The following CDH12 variants were observed in gnomAD, a reference collection of about 807,000 sequenced individuals.
The protein encoded by CDH12 is cadherin-12.
In CDH12, 41 loss-of-function variants were observed where a neutral mutation model predicts 74.1. The observed-to-expected ratio is 0.55, with a 90% CI of 0.43 to 0.72. The LOEUF (loss-of-function observed/expected upper bound fraction) is 0.72. CDH12 is among the 30% of genes least tolerant of loss of function. The pLI is 0.00. For missense variants in CDH12, 945 were observed against 977.2 expected (o/e 0.97, Z 0.44); for synonymous variants, 399 against 355.0 (o/e 1.12, Z -1.39).
intron 2 of CDH12, among the ~76,000 whole-genome samples, chr5:22,456,019 C>A (rs1233779182): frequency 6.6e-6 from 1 of 151,770 alleles, no homozygotes; most frequent in African/African-American, 2.4e-5. Context: ...ATACTCCCGA[C>A]ATGCTTAATT....
chr5:22,770,002 G>T lies in CDH12; in HGVS notation c.-523+83056C>A, dbSNP rs570146312. 2.0e-5 allele frequency among the ~76,000 whole-genome samples: 3 copies of T among 151,548 alleles called. No homozygotes were observed. In the South Asian group the frequency reaches 6.3e-4, roughly 32 times the overall value. On this transcript the variant is annotated intron_variant, in intron 1 of 14. Coordinates refer to ENST00000382254, the MANE Select transcript of CDH12 (RefSeq NM_004061.5). ...CAAACAATGCAAGTTTTTACAATAT[G>T]GTTCATATAAAATAAGCTGCACTTA...
chr5:22,639,432 CTTTT>C (rs10706075), intron 1 of CDH12, among the ~76,000 whole-genome samples: 4 of 115,598 alleles, frequency 3.5e-5, no homozygotes, highest in Non-Finnish European at 3.5e-5. Flanking sequence ...TTTTCTTCTT[CTTTT>C]TTTTTTTTTT....
At chr5:21,796,872 A>C (rs1399109970) in intron 10 of CDH12, among the ~76,000 whole-genome samples, 1 of 152,120 alleles carries the variant, frequency 6.6e-6, no homozygotes, top group African/African-American at 2.4e-5. Flanking sequence ...TGCTGTTATG[A>C]AAAGCCCCTA....
chr5:22,638,596 C>T (rs1179298195), intron 1 of CDH12: 3 of 152,496 alleles, frequency 2.0e-5, no homozygotes, highest in Non-Finnish European at 4.4e-5. Context: ...TGGCAACACC[C>T]TCACAGACAC....
chr5:22,024,944 C>T (rs1738252085), intron 5 of CDH12, among the ~76,000 whole-genome samples: 1 of 151,958 alleles, frequency 6.6e-6, no homozygotes. Context: ...TTATAGAAAC[C>T]CACCTAAAAA....
At chr5:22,119,186 T>C (rs1745348054) in intron 4 of CDH12, among the ~76,000 whole-genome samples, 1 of 152,172 alleles carries the variant, frequency 6.6e-6, no homozygotes, top group Non-Finnish European at 1.5e-5. Context: ...TCTCTCTTCT[T>C]ACTATAAAGT....
chr5:22,433,417 A>G (rs1371360654), intron 2 of CDH12, among the ~76,000 whole-genome samples: 2 of 152,150 alleles, frequency 1.3e-5, no homozygotes, highest in Non-Finnish European at 2.9e-5. Context: ...AAATCCAGTT[A>G]CCTGACACAA....
At chr5:22,084,260 T>C (rs1742926135) in intron 4 of CDH12, among the ~76,000 whole-genome samples, 2 of 152,148 alleles carry the variant, frequency 1.3e-5, no homozygotes, top group Non-Finnish European at 2.9e-5. Context: ...ACTGTGGATG[T>C]AGTTCTGGGG....
At chr5:22,333,057 G>C (rs1432653499) in intron 3 of CDH12, among the ~76,000 whole-genome samples, 1 of 152,050 alleles carries the variant, frequency 6.6e-6, no homozygotes, top group Non-Finnish European at 1.5e-5. Flanking sequence ...CAAATACATG[G>C]AACCCACCCA....
At chr5:22,271,706 A>G (rs1046023588) in intron 3 of CDH12, among the ~76,000 whole-genome samples, 2 of 152,202 alleles carry the variant, frequency 1.3e-5, no homozygotes, top group African/African-American at 4.8e-5. Flanking sequence ...AGACATGAAA[A>G]TAACATTAAT....
chr5:21,914,848 A>T (rs1754016472), intron 6 of CDH12, among the ~76,000 whole-genome samples: 1 of 152,232 alleles, frequency 6.6e-6, no homozygotes, highest in African/African-American at 2.4e-5. Context: ...TTCTGACATG[A>T]AATTAATCAT....
chr5:22,549,632 T>G (rs778671175), intron 1 of CDH12, among the ~76,000 whole-genome samples: 1 of 152,174 alleles, frequency 6.6e-6, no homozygotes, highest in Non-Finnish European at 1.5e-5. Flanking sequence ...CATCTACTAG[T>G]TGCTATGTAG....
At chr5:21,859,420 G>A (rs987777714) in intron 6 of CDH12, among the ~76,000 whole-genome samples, 4 of 151,776 alleles carry the variant, frequency 2.6e-5, no homozygotes, top group African/African-American at 7.3e-5. Context: ...GGGGGAAACC[G>A]CCTCCATGAT....
intron 4 of CDH12, among the ~76,000 whole-genome samples, chr5:22,153,852 G>A (rs1186951556): frequency 8.3e-6 from 1 of 120,846 alleles, no homozygotes; most frequent in African/African-American, 3.2e-5. Flanking sequence ...ACATATATGT[G>A]TGTGTGTATA....
intron 5 of CDH12, among the ~76,000 whole-genome samples, chr5:21,983,253 C>T (rs1433624363): frequency 1.3e-5 from 2 of 151,818 alleles, no homozygotes; most frequent in Non-Finnish European, 2.9e-5. Context: ...CATATATTTC[C>T]AGATTGGAAA....
intron 3 of CDH12, among the ~76,000 whole-genome samples, chr5:22,358,662 C>T (rs1740668823): frequency 6.6e-6 from 1 of 152,100 alleles, no homozygotes; most frequent in Admixed American, 6.6e-5. Context: ...TTGAATTCAT[C>T]AGAAATTGTA....
At chr5:22,819,016 C>CACTG (rs1307363816) in intron 1 of CDH12, among the ~76,000 whole-genome samples, 1 of 152,026 alleles carries the variant, frequency 6.6e-6, no homozygotes, top group African/African-American at 2.4e-5. Context: ...AGTTCAGGAA[C>CACTG]ACTGACTGAC....
intron 1 of CDH12, among the ~76,000 whole-genome samples, chr5:22,811,988 C>T (rs1016659070): frequency 1.3e-5 from 2 of 152,038 alleles, no homozygotes; most frequent in South Asian, 2.1e-4. Flanking sequence ...TGGACACTGG[C>T]TCTTTAGGGG....
intron 4 of CDH12, among the ~76,000 whole-genome samples, chr5:22,172,970 C>A (rs1749123016): frequency 6.6e-6 from 1 of 151,558 alleles, no homozygotes; most frequent in Admixed American, 6.6e-5. Context: ...ACCCAAGACT[C>A]ATTAATCAGA....
Sources: gnomAD v4.1 joint callset for allele counts (sites outside exome capture counted in the v4.1 genomes callset) on GRCh38, gnomAD v4.1.1 for gene constraint, MANE v1.5 for transcripts, NCBI Gene and HGNC (gene_info 2026-07-23, HGNC 2026-07-21) for gene names.